Variants in OTUD7B observed in about 807,000 individuals in gnomAD.
OTUD7B encodes the protein OTU deubiquitinase 7B.
Under a neutral mutation model 82.2 loss-of-function variants are expected in OTUD7B, and 34 were observed. That is an observed-to-expected ratio of 0.41 (90% CI 0.31 to 0.55). The LOEUF (loss-of-function observed/expected upper bound fraction) is 0.55. OTUD7B is among the 20% of genes least tolerant of loss of function. The probability of loss-of-function intolerance (pLI) is 0.20; values close to 1 mark genes in which losing one functional copy is unlikely to be tolerated. For synonymous variants in OTUD7B, 398 were observed against 402.7 expected (o/e 0.99, Z 0.14); for missense variants, 944 against 1,062.1 (o/e 0.89, Z 1.55).
chr1:150,057,878 A>G, the OTUD7B span, among the ~76,000 whole-genome samples: 1 of 152,258 alleles, frequency 6.6e-6, no homozygotes, highest in Non-Finnish European at 1.5e-5. Flanking sequence ...GGCAATAAGT[A>G]TGAATAAACA....
chr1:149,977,898 G>T (rs1276573607), intron 1 of OTUD7B, among the ~76,000 whole-genome samples: 1 of 152,106 alleles, frequency 6.6e-6, no homozygotes, highest in Non-Finnish European at 1.5e-5. Context: ...CCACCCTAAA[G>T]AACTCCCCAC....
chr1:150,067,490 C>T, the OTUD7B span: 10 of 237,446 alleles, frequency 4.2e-5, no homozygotes, highest in African/African-American at 1.8e-4. Flanking sequence ...AACCTTGTGC[C>T]AGGTTCCTCA....
At chr1:150,048,372 T>C in the OTUD7B span, 1 of 152,208 alleles carries the variant, frequency 6.6e-6, no homozygotes, top group South Asian at 2.1e-4. Flanking sequence ...CTAACACCAT[T>C]TGGGGGGTTT....
chr1:149,989,193 C>G (rs587595643), intron 1 of OTUD7B, among the ~76,000 whole-genome samples: 1 of 152,056 alleles, frequency 6.6e-6, no homozygotes, highest in African/African-American at 2.4e-5. Context: ...TCAAAACAGG[C>G]CGGGCGTGGT....
chr1:149,946,528 G>A (rs1405821666), intron 11 of OTUD7B, among the ~76,000 whole-genome samples: 1 of 151,724 alleles, frequency 6.6e-6, no homozygotes, highest in Non-Finnish European at 1.5e-5. Flanking sequence ...GATCACCTGA[G>A]GTCAGGAGTT....
At chr1:149,949,422 C>A (rs1393902962) in intron 9 of OTUD7B, among the ~76,000 whole-genome samples, 2 of 151,484 alleles carry the variant, frequency 1.3e-5, no homozygotes, top group Non-Finnish European at 2.9e-5. Flanking sequence ...TAAGCCTTTA[C>A]TCCAGAAGAG....
the OTUD7B span, among the ~76,000 whole-genome samples, chr1:150,023,416 C>T: frequency 1.3e-5 from 2 of 152,170 alleles, no homozygotes; most frequent in African/African-American, 4.8e-5. Context: ...TAAACAGACA[C>T]AGAAAATGTG....
intron 1 of OTUD7B, among the ~76,000 whole-genome samples, chr1:149,988,603 A>C (rs1651353536): frequency 6.6e-6 from 1 of 152,182 alleles, no homozygotes; most frequent in African/African-American, 2.4e-5. Flanking sequence ...CTTTGGGAAA[A>C]TGGGGGCAGG....
rs190985798 is a variant in OTUD7B, at chr1:150,009,034, T to C, written c.-67+1414A>G. Among the ~76,000 whole-genome samples the C allele has an allele frequency of 3.5e-4, 53 of 152,324 alleles. No individual in the cohort carries two copies. In the East Asian group the frequency reaches 7.1e-3, roughly 20 times the overall value. ...TTCAGCCTTCAAAATATCAATAGACTAGCACAGCAGGTTGGTTACTGAACG... is the reference window on the plus strand; with the variant it reads ...TTCAGCCTTCAAAATATCAATAGACCAGCACAGCAGGTTGGTTACTGAACG... On this transcript the variant is annotated intron_variant, in intron 1 of 11. Coordinates refer to ENST00000581312, the MANE Select transcript of OTUD7B (RefSeq NM_020205.4).
the OTUD7B span, among the ~76,000 whole-genome samples, chr1:150,042,235 C>T: frequency 1.5e-3 from 231 of 150,802 alleles, no homozygotes; most frequent in African/African-American, 5.4e-3. Flanking sequence ...TGCAGTGGCG[C>T]GGACTCGACT....
At chr1:149,948,282 G>A (rs772762054) in intron 10 of OTUD7B, among the ~76,000 whole-genome samples, 2 of 152,058 alleles carry the variant, frequency 1.3e-5, no homozygotes, top group Non-Finnish European at 2.9e-5. Context: ...GGGATTACAG[G>A]CATAAGCCAC....
chr1:149,958,322 C>CTTTTTTTTTTTTTTTTTT (rs34299927), intron 7 of OTUD7B, among the ~76,000 whole-genome samples: 1 of 86,394 alleles, frequency 1.2e-5, no homozygotes, highest in Non-Finnish European at 2.1e-5. Flanking sequence ...AAAGGACTAC[C>CTTTTTTTTTTTTTTTTTT]TTTTTTTTTT....
the OTUD7B span, among the ~76,000 whole-genome samples, chr1:150,062,137 A>G: frequency 1.3e-5 from 2 of 152,200 alleles, no homozygotes; most frequent in Middle Eastern, 3.2e-3. Flanking sequence ...CACGGAACAA[A>G]GAAAGGAAGC....
chr1:149,956,588 T>C (rs938453439), intron 7 of OTUD7B, among the ~76,000 whole-genome samples: 1 of 152,240 alleles, frequency 6.6e-6, no homozygotes, highest in Non-Finnish European at 1.5e-5. Flanking sequence ...CCTGCCTTGC[T>C]AGGTTGGGGA....
chr1:150,001,716 A>G (rs1231534413), intron 1 of OTUD7B, among the ~76,000 whole-genome samples: 1 of 152,180 alleles, frequency 6.6e-6, no homozygotes, highest in East Asian at 1.9e-4. Flanking sequence ...CCCACTTGAG[A>G]AAGAATTAAG....
the OTUD7B span, among the ~76,000 whole-genome samples, chr1:150,061,746 C>T: frequency 6.3e-4 from 96 of 152,344 alleles, no homozygotes; most frequent in Middle Eastern, 3.4e-3. Flanking sequence ...TAATCTGCCA[C>T]GTAACTTCTG....
rs374196437 is a variant in OTUD7B, at chr1:149,967,774, C to A, written c.275-253G>T. On this transcript the variant is annotated intron_variant, in intron 3 of 11. Transcript: ENST00000581312. ...TGCCCTTGTTTGGAATTTGCCTGAT[C>A]TTCCCCTCCCTCTGACTGTCTTCCT... Among the ~76,000 whole-genome samples, 88 of 152,270 alleles carry A rather than the reference C, an allele frequency of 5.8e-4. No individual in the cohort carries two copies. The Middle Eastern group carries it at 0.017, about 29-fold the overall frequency.
chr1:149,950,049 A>G, intron 8 of OTUD7B, 45 bp downstream of exon 8: 1 of 1,610,180 alleles, frequency 6.2e-7, no homozygotes, highest in Non-Finnish European at 8.5e-7. Flanking sequence ...AGGCTTTGCA[A>G]AAGGGGGTGC....
the OTUD7B span, among the ~76,000 whole-genome samples, chr1:150,058,278 G>C: frequency 1.3e-5 from 2 of 152,136 alleles, no homozygotes; most frequent in African/African-American, 2.4e-5. Flanking sequence ...GACCAAGGCG[G>C]GGCCAATCAC....
Sources: gnomAD v4.1 joint callset for allele counts (sites outside exome capture counted in the v4.1 genomes callset) on GRCh38, gnomAD v4.1.1 for gene constraint, MANE v1.5 for transcripts, NCBI Gene and HGNC (gene_info 2026-07-23, HGNC 2026-07-21) for gene names.